The following SNTG1 variants were observed in gnomAD, a reference collection of about 807,000 sequenced individuals.
SNTG1 encodes the protein syntrophin gamma 1.
A neutral mutation model predicts 74.7 loss-of-function variants in SNTG1; 39 were observed. The observed-to-expected ratio is 0.52, with a 90% CI of 0.40 to 0.68. SNTG1 has a LOEUF of 0.68. Among genes scored for constraint, SNTG1 ranks in the 30% least tolerant of loss-of-function variants. SNTG1 has a pLI of 0.00. For synonymous variants in SNTG1, 254 were observed against 217.1 expected, an observed-to-expected ratio of 1.17 and a Z score of -1.49; for missense variants, 685 against 609.5, an observed-to-expected ratio of 1.12 and a Z score of -1.30.
At chr8:50,655,718 C>A (rs1364925678) in intron 13 of SNTG1, among the ~76,000 whole-genome samples, 1 of 152,122 alleles carries the variant, frequency 6.6e-6, no homozygotes, top group Non-Finnish European at 1.5e-5. Context: ...GAGTAGACGA[C>A]AGTAATATTT....
intron 9 of SNTG1, among the ~76,000 whole-genome samples, chr8:50,517,469 T>A (rs1458115668): frequency 6.6e-6 from 1 of 152,050 alleles, no homozygotes; most frequent in Non-Finnish European, 1.5e-5. Flanking sequence ...ATGGGCTAAA[T>A]GCCCCAATTA....
At position 50,476,784 on chromosome 8, in the gene SNTG1, T is replaced by C. The variant is rs546202255; in HGVS notation, c.364-25994T>C. ...CCTAGATCTTGGTATCTAATACTTT[T>C]CTCCAGTAAAGAGAAATGGATGATT... On this transcript the variant is annotated intron_variant, in intron 8 of 18. Transcript: ENST00000642720. 4.0e-5 allele frequency among the ~76,000 whole-genome samples: 6 copies of C among 151,670 alleles called. No homozygotes were observed. In the East Asian group the frequency reaches 1.2e-3, roughly 30 times the overall value.
At chr8:50,449,588 T>A in intron 5 of SNTG1, 80 bp from the exon 6 acceptor site, 1 of 1,106,946 alleles carries the variant, frequency 9.0e-7, no homozygotes, top group Non-Finnish European at 1.2e-6. Context: ...AACATTCCCT[T>A]CAGAGCCTGT....
chr8:50,725,559 A>G (rs1159305535), intron 17 of SNTG1, among the ~76,000 whole-genome samples: 3 of 152,136 alleles, frequency 2.0e-5, no homozygotes, highest in Non-Finnish European at 4.4e-5. Flanking sequence ...CAGAATGGCC[A>G]TTTATCCTCT....
At chr8:50,015,622 C>G (rs1469088941) in intron 1 of SNTG1, among the ~76,000 whole-genome samples, 1 of 152,068 alleles carries the variant, frequency 6.6e-6, no homozygotes, top group African/African-American at 2.4e-5. Context: ...ACAAGGGAGC[C>G]TTAATATCAG....
chr8:50,650,115 A>T (rs1439488332), intron 13 of SNTG1, among the ~76,000 whole-genome samples: 12 of 151,994 alleles, frequency 7.9e-5, no homozygotes, highest in Non-Finnish European at 2.9e-5. Flanking sequence ...ATACATTTTT[A>T]AAAAATACAA....
chr8:50,032,247 T>C (rs1401455389), intron 1 of SNTG1, among the ~76,000 whole-genome samples: 2 of 152,088 alleles, frequency 1.3e-5, no homozygotes. Context: ...AATCAACTTT[T>C]GTTTTATTGC....
Position 50,517,419 on chromosome 8 carries a change from G to A in SNTG1, c.467-12758G>A, listed in dbSNP as rs182150442. ...AAAATAACTGGGTAGCATCATGACA[G>A]GATCAAATACACACATACCAATATT... On this transcript the variant is annotated intron_variant, in intron 9 of 18. Coordinates refer to ENST00000642720, the MANE Select transcript of SNTG1 (RefSeq NM_018967.5). Among the ~76,000 whole-genome samples, 51 of 152,030 alleles carry A rather than the reference G, an allele frequency of 3.4e-4. 1 individual carries two copies. The highest frequency in any genetic ancestry group is 1.2e-3 in the African/African-American group (50 of 41,488).
At chr8:50,260,768 A>G (rs1262894575) in intron 2 of SNTG1, among the ~76,000 whole-genome samples, 3 of 151,802 alleles carry the variant, frequency 2.0e-5, no homozygotes, top group Non-Finnish European at 2.9e-5. Flanking sequence ...AAACAATTAA[A>G]AAGAAAAGCA....
intron 2 of SNTG1, among the ~76,000 whole-genome samples, chr8:50,326,739 T>G (rs1384274497): frequency 1.3e-5 from 2 of 151,852 alleles, no homozygotes; most frequent in Admixed American, 1.3e-4. Context: ...ACATTGAATT[T>G]CATTTACTCT....
At chr8:50,709,043 T>G in intron 17 of SNTG1, 65 bp downstream of exon 17, 1 of 1,208,128 alleles carries the variant, frequency 8.3e-7, no homozygotes, top group Non-Finnish European at 1.2e-6. Flanking sequence ...ATGATTTAAA[T>G]GCCTCATAAC....
At chr8:50,132,627 G>A (rs751631056) in intron 1 of SNTG1, among the ~76,000 whole-genome samples, 5 of 152,128 alleles carry the variant, frequency 3.3e-5, no homozygotes, top group Non-Finnish European at 7.4e-5. Context: ...TGTCCTCTGG[G>A]CCTTCTGTGG....
At chr8:50,735,628 A>G (rs891564665) in intron 17 of SNTG1, among the ~76,000 whole-genome samples, 2 of 152,054 alleles carry the variant, frequency 1.3e-5, no homozygotes, top group African/African-American at 4.8e-5. Context: ...CTGTGTGAAA[A>G]GACCAAACCT....
intron 12 of SNTG1, chr8:50,568,782 A>C (rs1055290866): frequency 6.6e-6 from 1 of 152,032 alleles, no homozygotes; most frequent in Non-Finnish European, 1.5e-5. Flanking sequence ...TACTTTGTTA[A>C]TTGTTTTCTT....
chr8:50,741,781 G>A (rs1378496422), intron 17 of SNTG1, among the ~76,000 whole-genome samples: 1 of 152,018 alleles, frequency 6.6e-6, no homozygotes, highest in Admixed American at 6.6e-5. Flanking sequence ...ATTATATACT[G>A]TATGATTCCA....
intron 2 of SNTG1, among the ~76,000 whole-genome samples, chr8:50,209,542 C>A (rs1466913534): frequency 6.6e-6 from 1 of 152,160 alleles, no homozygotes; most frequent in Non-Finnish European, 1.5e-5. Context: ...AAGAATCAGG[C>A]AGCAACATTT....
intron 2 of SNTG1, among the ~76,000 whole-genome samples, chr8:50,222,406 G>A (rs1007190260): frequency 1.3e-5 from 2 of 152,110 alleles, no homozygotes; most frequent in Non-Finnish European, 2.9e-5. Flanking sequence ...CTCTTTCACT[G>A]TCATAATTTT....
At chr8:50,000,258 C>T (rs533470526) in intron 1 of SNTG1, among the ~76,000 whole-genome samples, 7 of 152,108 alleles carry the variant, frequency 4.6e-5, no homozygotes, top group African/African-American at 1.7e-4. Context: ...ATAGCAAAGA[C>T]ATTTCCATCT....
At chr8:49,918,709 A>T (rs1451184049) in intron 1 of SNTG1, among the ~76,000 whole-genome samples, 1 of 151,374 alleles carries the variant, frequency 6.6e-6, no homozygotes, top group Non-Finnish European at 1.5e-5. Flanking sequence ...ATATATGGCA[A>T]TTTTTTTTTG....
Sources: allele counts gnomAD v4.1 joint callset (sites outside exome capture counted in the v4.1 genomes callset), GRCh38; gene constraint gnomAD v4.1.1; transcripts MANE v1.5; gene names NCBI Gene and HGNC (gene_info 2026-07-23, HGNC 2026-07-21).